Variants in OCA2 observed in about 807,000 individuals in gnomAD.
OCA2 encodes OCA2 melanosomal transmembrane protein.
Under a neutral mutation model 100.2 loss-of-function variants are expected in OCA2, and 77 were observed. That is an observed-to-expected ratio of 0.77 (90% CI 0.64 to 0.93). The LOEUF (loss-of-function observed/expected upper bound fraction) is 0.93, where lower values mean the gene tolerates loss of function less well. Ranked by LOEUF, OCA2 falls within the 40% of genes least tolerant of loss-of-function variation. The pLI is 0.00. For synonymous variants in OCA2, 432 were observed against 439.2 expected (o/e 0.98, Z 0.21); for missense variants, 1,062 against 1,089.1 (o/e 0.98, Z 0.35).
chr15:28,000,188 G>A (rs28818582), intron 9 of OCA2, among the ~76,000 whole-genome samples: 96,905 of 152,034 alleles, frequency 0.64, 33,565 homozygotes, highest in Non-Finnish European at 0.79. Context: ...AGCTGGAGGC[G>A]TGACACTTCC....
intron 14 of OCA2, among the ~76,000 whole-genome samples, chr15:27,968,943 T>A (rs1036474674): frequency 6.6e-6 from 1 of 150,716 alleles, no homozygotes; most frequent in Non-Finnish European, 1.5e-5. Flanking sequence ...ACGATACTTT[T>A]AGGGGCTTAT....
At chr15:27,805,150 G>T (rs2033778413) in intron 23 of OCA2, among the ~76,000 whole-genome samples, 1 of 152,228 alleles carries the variant, frequency 6.6e-6, no homozygotes, top group African/African-American at 2.4e-5. Flanking sequence ...CCTGGCTGAG[G>T]TGGCGGCCCC....
intron 9 of OCA2, among the ~76,000 whole-genome samples, chr15:27,994,054 A>G (rs1209901678): frequency 6.6e-6 from 1 of 152,130 alleles, no homozygotes; most frequent in Admixed American, 6.5e-5. Flanking sequence ...AAAATAATAA[A>G]AATTCTTAAA....
At chr15:27,937,179 A>G (rs377214272) in intron 18 of OCA2, among the ~76,000 whole-genome samples, 38 of 152,278 alleles carry the variant, frequency 2.5e-4, no homozygotes, top group African/African-American at 7.9e-4. Context: ...ATCATATAGC[A>G]TATACTCTTT....
chr15:27,721,492 T>C, the OCA2 span, among the ~76,000 whole-genome samples: 1 of 152,192 alleles, frequency 6.6e-6, no homozygotes, highest in Admixed American at 6.5e-5. Flanking sequence ...TAGAATTATA[T>C]CATAGAAGAA....
In OCA2 at chr15:27,834,636, G is replaced by A. The variant is rs777937205; in HGVS notation, c.2432+10323C>T. Among the ~76,000 whole-genome samples, 22 of 152,146 alleles carry A rather than the reference G, an allele frequency of 1.4e-4. 1 individual carries two copies. The highest frequency in any genetic ancestry group is 1.2e-3 in the South Asian group (6 of 4,828). Reference sequence around the variant, plus strand: ...TAGCCTGTGCTCTGACAATAGCTCCGGGTAATTGGTATTAGAACTGAATTG... The same window carrying A: ...TAGCCTGTGCTCTGACAATAGCTCCAGGTAATTGGTATTAGAACTGAATTG... On this transcript the variant is annotated intron_variant, in intron 23 of 23. Transcript: ENST00000354638.
At chr15:27,852,584 A>G (rs1261080339) in intron 21 of OCA2, among the ~76,000 whole-genome samples, 18 of 152,168 alleles carry the variant, frequency 1.2e-4, no homozygotes, top group Admixed American at 2.0e-4. Flanking sequence ...GGATTAATTA[A>G]ACTAAAGAGC....
At chr15:28,076,798 G>A (rs1231000636) in intron 2 of OCA2, among the ~76,000 whole-genome samples, 1 of 140,556 alleles carries the variant, frequency 7.1e-6, no homozygotes. Flanking sequence ...AGTGAGCCGA[G>A]ATTGCGCCAC....
At chr15:27,900,689 C>A (rs892011073) in intron 19 of OCA2, among the ~76,000 whole-genome samples, 1 of 152,212 alleles carries the variant, frequency 6.6e-6, no homozygotes. Context: ...AGTCCCTCTA[C>A]TGTCCAAGAT....
chr15:27,851,586 A>G, intron 21 of OCA2, 111 bp from the exon 22 acceptor site: 1 of 889,392 alleles, frequency 1.1e-6, no homozygotes, highest in Non-Finnish European at 1.8e-6. Flanking sequence ...AACTCTAAGG[A>G]GCATAAGATT....
At chr15:27,992,836 G>A (rs2041599689) in intron 9 of OCA2, among the ~76,000 whole-genome samples, 1 of 152,084 alleles carries the variant, frequency 6.6e-6, no homozygotes, top group African/African-American at 2.4e-5. Context: ...AAAGAGCAAA[G>A]AGCCGGCCTG....
In OCA2 at chr15:27,948,964, G is replaced by A. The variant is rs968877987; in HGVS notation, c.1951+2820C>T. On this transcript the variant is annotated intron_variant, in intron 18 of 23. Transcript: ENST00000354638. ...AGGGTGGCTACAAAAGGACAGCTGA[G>A]AAAGTTCTGTAACGGAGCTGGCCTG... 1.2e-4 allele frequency among the ~76,000 whole-genome samples: 19 copies of A among 152,210 alleles called. 1 individual carries two copies. The highest frequency in any genetic ancestry group is 2.6e-4 in the Admixed American group (4 of 15,280).
chr15:27,964,043 A>T lies in OCA2; in HGVS notation c.1636+2647T>A, dbSNP rs2040487416. Among the ~76,000 whole-genome samples, 4 of 152,308 alleles carry T rather than the reference A, an allele frequency of 2.6e-5. No homozygotes were observed. The South Asian group carries it at 8.3e-4, about 32-fold the overall frequency. ...TGAAAGACACCAACTACCAGTCAAC[A>T]CTCAAGGAGAAACAGATAACTTGAA... is the stretch of plus-strand genomic sequence containing the variant. On this transcript the variant is annotated intron_variant, in intron 15 of 23. Transcript: ENST00000354638.
chr15:28,041,980 A>G (rs1419974150), intron 2 of OCA2, among the ~76,000 whole-genome samples: 1 of 152,238 alleles, frequency 6.6e-6, no homozygotes, highest in Non-Finnish European at 1.5e-5. Context: ...ACACAATTCC[A>G]GAGAGAAGTC....
At chr15:27,854,901 T>C (rs1244109147) in intron 21 of OCA2, among the ~76,000 whole-genome samples, 5 of 152,112 alleles carry the variant, frequency 3.3e-5, no homozygotes, top group African/African-American at 7.2e-5. Context: ...TGTGGGGGCA[T>C]TGCAGTATCA....
At chr15:27,944,159 A>C (rs1452276489) in intron 18 of OCA2, among the ~76,000 whole-genome samples, 3 of 152,152 alleles carry the variant, frequency 2.0e-5, no homozygotes, top group African/African-American at 7.2e-5. Context: ...TTGGTGTCTA[A>C]ATTAGCTGTG....
At chr15:27,962,876 C>T (rs1298407296) in intron 15 of OCA2, among the ~76,000 whole-genome samples, 1 of 151,942 alleles carries the variant, frequency 6.6e-6, no homozygotes, top group Non-Finnish European at 1.5e-5. Context: ...AATCAGGATG[C>T]TAATATATGC....
chr15:27,907,161 C>T (rs891600475), intron 19 of OCA2, among the ~76,000 whole-genome samples: 8 of 152,054 alleles, frequency 5.3e-5, no homozygotes, highest in African/African-American at 1.4e-4. Context: ...TAATAACTTC[C>T]GTAAAGTAGA....
downstream of OCA2, among the ~76,000 whole-genome samples, chr15:27,754,019 C>T (rs1218623603): frequency 3.3e-5 from 5 of 152,168 alleles, no homozygotes; most frequent in East Asian, 9.7e-4. Context: ...CCAGTGAGAC[C>T]AAGCAAAGTA....
Sources: allele counts gnomAD v4.1 joint callset (sites outside exome capture counted in the v4.1 genomes callset), GRCh38; gene constraint gnomAD v4.1.1; transcripts MANE v1.5; gene names NCBI Gene and HGNC (gene_info 2026-07-23, HGNC 2026-07-21).